SECISBP2L: variants seen among roughly 807,000 people sequenced by gnomAD.
SECISBP2L encodes selenocysteine insertion sequence-binding protein 2-like.
Under a neutral mutation model 114.7 loss-of-function variants are expected in SECISBP2L, and 43 were observed. The observed-to-expected ratio is 0.38, with a 90% CI of 0.29 to 0.48. SECISBP2L has a LOEUF of 0.48. SECISBP2L is among the 20% of genes least tolerant of loss of function. SECISBP2L has a pLI of 0.98. For synonymous variants in SECISBP2L, 451 were observed against 439.7 expected, an observed-to-expected ratio of 1.03 and a Z score of -0.32; for missense variants, 1,136 against 1,301.1, an observed-to-expected ratio of 0.87 and a Z score of 1.95.
chr15:49,013,142 G>A (rs796961118), intron 11 of SECISBP2L: 43 of 211,704 alleles, frequency 2.0e-4, no homozygotes, highest in African/African-American at 8.8e-4. Context: ...ACTTCACAAT[G>A]CTGCACCCCT....
intron 1 of SECISBP2L, among the ~76,000 whole-genome samples, chr15:49,044,038 A>G (rs569048766): frequency 6.6e-6 from 1 of 152,254 alleles, no homozygotes; most frequent in South Asian, 2.1e-4. Context: ...GAAAGTCTAT[A>G]TTAAGTACTA....
chr15:49,000,738 G>C (rs1330101112), intron 15 of SECISBP2L, 139 bp downstream of exon 15: 3 of 636,964 alleles, frequency 4.7e-6, no homozygotes, highest in African/African-American at 3.7e-5. Flanking sequence ...GGTATTGAAA[G>C]ACTGCATTTT....
intron 3 of SECISBP2L, among the ~76,000 whole-genome samples, chr15:49,033,584 T>C (rs1902941666): frequency 6.6e-6 from 1 of 152,018 alleles, no homozygotes; most frequent in African/African-American, 2.4e-5. Context: ...ACACCTATAA[T>C]CCCAAACTCC....
At chr15:49,004,171 G>C (rs1348598799) in intron 14 of SECISBP2L, among the ~76,000 whole-genome samples, 1 of 151,956 alleles carries the variant, frequency 6.6e-6, no homozygotes, top group African/African-American at 2.4e-5. Flanking sequence ...GTCTTGGGAG[G>C]GTGTATGTGT....
chr15:49,046,402 C>CGG lies in SECISBP2L; in HGVS notation c.-104_-103insCC. ...CGGGTCCAGACTGGGTTCCGGACCTCCGCCCCTATCTGGCTGGCCGCGACA... is the reference window on the plus strand; with the variant it reads ...CGGGTCCAGACTGGGTTCCGGACCTCGGCGCCCCTATCTGGCTGGCCGCGACA... On this transcript the variant is annotated 5_prime_UTR_variant, in exon 1 of 18. Coordinates refer to ENST00000559471, the MANE Select transcript of SECISBP2L (RefSeq NM_001193489.2). The CGG allele has an allele frequency of 2.4e-6, 3 of 1,251,820 alleles. No individual in the cohort carries two copies. The highest frequency in any genetic ancestry group is 3.2e-6 in the Non-Finnish European group (3 of 951,548). The allele number at this position is 1,251,820 out of a possible 1,614,324, so 77.5% of individuals were successfully genotyped here.
rs902221464 is a variant in SECISBP2L at position 48,991,549 on chromosome 15, T to G, written c.*695A>C. 1.3e-5 allele frequency: 2 copies of G among 152,534 alleles called. No individual in the cohort carries two copies. The highest frequency in any genetic ancestry group is 2.9e-5 in the Non-Finnish European group (2 of 68,022). The allele number at this position is 152,534 out of a possible 1,614,324, so 9.4% of individuals were successfully genotyped here. ...GCAAATATGAGACAGAACCTGGAGG[T>G]CCTATCATGGGTGACTGTTCACTAT... is the stretch of plus-strand genomic sequence containing the variant. On this transcript the variant is annotated 3_prime_UTR_variant, in exon 18 of 18. Transcript: ENST00000559471.
rs1328279216 is a variant in SECISBP2L at position 49,028,595 on chromosome 15, G to A, written c.752C>T (p.Ser251Phe). ...WKSKGRRRRA[S>F]HPTAESSSEQ... is the part of the protein sequence containing the mutation. ...ACTAGAAGATTCAGCAGTAGGGTGG[G>A]ATGCTCTTCTTCTCCTGCCCTTGGA... Residue 251 changes from serine to phenylalanine, a missense_variant, in exon 5 of 18, where the codon TCC becomes TTC. Around this residue, in one of 2 missense-constraint regions of SECISBP2L, gnomAD observed 452 missense variants for 452.3 expected, o/e 1.00. Coordinates refer to ENST00000559471, the MANE Select transcript of SECISBP2L (RefSeq NM_001193489.2). 1.2e-6 allele frequency: 2 copies of A among 1,614,128 alleles called. No individual in the cohort carries two copies. The highest frequency in any genetic ancestry group is 1.7e-6 in the Non-Finnish European group (2 of 1,180,010).
chr15:49,029,963 T>G (rs753755369), intron 4 of SECISBP2L, among the ~76,000 whole-genome samples: 17 of 151,524 alleles, frequency 1.1e-4, no homozygotes, highest in Non-Finnish European at 1.9e-4. Flanking sequence ...TTAATATTAC[T>G]TTTGAATTAT....
In SECISBP2L at chr15:48,992,278, T is replaced by A. The variant is rs1901994665; in HGVS notation, c.3272A>T (p.His1091Leu). The change falls in exon 18 of 18, where the codon CAC becomes CTC. Residue 1091 changes from histidine (H) to leucine (L), a missense_variant. Coordinates refer to ENST00000559471, the MANE Select transcript of SECISBP2L (RefSeq NM_001193489.2). ...TTGCGTTGTGTAATTAGAATCAGAG[T>A]GCTCTTTGTTGAGCGAGCTGCAGTT... ...SSNCSSLNKE[H>L]SDSNYTTQTT The A allele has an allele frequency of 6.2e-7, 1 of 1,610,450 alleles. No homozygotes were observed. The highest frequency in any genetic ancestry group is 1.7e-5 in the Admixed American group (1 of 58,846).
rs748518537 is a variant in SECISBP2L at position 48,992,321 on chromosome 15, C to T, written c.3229G>A (p.Gly1077Arg). 1 of 1,614,116 alleles carries T rather than the reference C, an allele frequency of 6.2e-7. No individual in the cohort carries two copies. The highest frequency in any genetic ancestry group is 1.1e-5 in the South Asian group (1 of 91,072). ...AWTADQQASP[G>R]QQKSSNCSSL... ...CTGCAGTTGCTGGACTTCTGCTGCC[C>T]AGGACTGGCCTGCTGGTCAGCAGTC... Residue 1077 changes from glycine to arginine, a missense_variant, in exon 18 of 18, where the codon GGG becomes AGG. This residue lies in a region of SECISBP2L where 684 missense variants were observed against 848.7 expected (regional missense o/e 0.81). Transcript: ENST00000559471.
Position 48,992,539 on chromosome 15 carries a change from T to C in SECISBP2L, c.3011A>G (p.His1004Arg). Residue 1004 changes from histidine to arginine, a missense_variant, in exon 18 of 18, where the codon CAT (histidine) becomes CGT (arginine). Transcript: ENST00000559471. Reference protein sequence around the residue: ...EDEEEEEDYTHEPISVEVQLN... With the variant: ...EDEEEEEDYTREPISVEVQLN... ...CTGCACTTCTACAGATATGGGTTCA[T>C]GAGTATAATCTTCCTCCTCCTCCTC... 2 of 1,614,224 alleles carry C rather than the reference T, an allele frequency of 1.2e-6. No individual in the cohort carries two copies. Among genetic ancestry groups the C allele is most frequent in the Non-Finnish European group, 1.7e-6 (2 of 1,180,042 alleles).
At position 49,001,001 on chromosome 15, in the gene SECISBP2L, A is replaced by T. The variant is rs552874243; in HGVS notation, c.2124T>A (p.Asp708Glu). The T allele has an allele frequency of 3.1e-6, 5 of 1,613,674 alleles. No individual in the cohort carries two copies. The highest frequency in any genetic ancestry group is 4.2e-6 in the Non-Finnish European group (5 of 1,179,848). The change falls in exon 15 of 18, where the codon GAT (aspartate) becomes GAA (glutamate). Residue 708 changes from aspartate (D) to glutamate (E), a missense_variant. Around this residue, in one of 2 missense-constraint regions of SECISBP2L, gnomAD observed 684 missense variants for 848.7 expected, o/e 0.81. Coordinates refer to ENST00000559471, the MANE Select transcript of SECISBP2L (RefSeq NM_001193489.2). The part of the protein sequence containing the change: ...VSFQERIYQK[D>E]PVRAKARRRL... ...GTCTCCTTGCTTTTGCTCTTACAGG[A>T]TCTTTTTGGTAGATGCGTTCCTGGA...
intron 1 of SECISBP2L, among the ~76,000 whole-genome samples, chr15:49,044,881 C>T (rs1214980274): frequency 6.6e-6 from 1 of 152,176 alleles, no homozygotes; most frequent in African/African-American, 2.4e-5. Context: ...TTAGTCCTGG[C>T]ATCCTAGTGA....
intron 17 of SECISBP2L, chr15:48,995,820 G>A (rs1902073731): frequency 6.6e-6 from 1 of 152,472 alleles, no homozygotes; most frequent in Non-Finnish European, 1.5e-5. Flanking sequence ...CAGCATGCTA[G>A]GTTTTATAAG....
chr15:49,020,948 A>G (rs1902629311), intron 7 of SECISBP2L, among the ~76,000 whole-genome samples: 1 of 152,190 alleles, frequency 6.6e-6, no homozygotes, highest in African/African-American at 2.4e-5. Flanking sequence ...AATCACATAA[A>G]TTAGTATTAT....
chr15:49,035,693 G>A (rs1902992040), intron 2 of SECISBP2L, 35 bp from the exon 3 acceptor site: 1 of 1,562,368 alleles, frequency 6.4e-7, no homozygotes, highest in South Asian at 1.2e-5. Flanking sequence ...CAAATCTATT[G>A]ACAAGTCTAA....
rs188646383 is a variant in SECISBP2L at position 48,994,355 on chromosome 15, C to T, written c.2624-1429G>A. Among the ~76,000 whole-genome samples, 175 of 152,280 alleles carry T rather than the reference C, an allele frequency of 1.1e-3. 4 individuals carry two copies. The East Asian group carries it at 0.029, about 25-fold the overall frequency. ...TCTTTTTCTTGCTGTTCATTTGTAA[C>T]ATCTTCGTAACCGGTTTTGTGAACT... On this transcript the variant is annotated intron_variant, in intron 17 of 17. Coordinates refer to ENST00000559471, the MANE Select transcript of SECISBP2L (RefSeq NM_001193489.2).
rs778461152 is a variant in SECISBP2L, at chr15:49,016,590, TTTGCCGTGCTTTCA to T, written c.1517_1530del (p.Met506AsnfsTer3). ...TATGACAGAGGTCTGGTGTTAGTAA[TTTGCCGTGCTTTCA>T]TTGCTTGCTGTTGTTTTTCCAGAGC... On this transcript the variant is annotated frameshift_variant, in exon 11 of 18. Transcript: ENST00000559471. LOFTEE classifies it high-confidence loss of function. The T allele has an allele frequency of 6.2e-7, 1 of 1,610,892 alleles. No individual in the cohort carries two copies. The highest frequency in any genetic ancestry group is 8.5e-7 in the Non-Finnish European group (1 of 1,178,208).
chr15:49,040,317 A>AAG, intron 1 of SECISBP2L, among the ~76,000 whole-genome samples: 1 of 151,846 alleles, frequency 6.6e-6, no homozygotes, highest in East Asian at 1.9e-4. Flanking sequence ...ACACACACAA[A>AAG]AGAGAGAGAG....
Sources: gnomAD v4.1 joint callset for allele counts (sites outside exome capture counted in the v4.1 genomes callset) on GRCh38, gnomAD v4.1.1 for gene constraint, gnomAD v4.1.1 regional missense constraint, MANE v1.5 for transcripts, NCBI Gene and HGNC (gene_info 2026-07-23, HGNC 2026-07-21) for gene names.